The following DPF3 variants were observed in gnomAD, a reference collection of about 807,000 sequenced individuals.
DPF3 encodes double PHD fingers 3.
A neutral mutation model predicts 56.8 loss-of-function variants in DPF3; 18 were observed. The ratio of observed to expected loss-of-function variants is 0.32; its 90% CI spans 0.22 to 0.47. DPF3 has a LOEUF of 0.47. DPF3 is among the 20% of genes least tolerant of loss of function. The pLI is 1.00. For missense variants in DPF3, 403 were observed against 488.8 expected (o/e 0.82, Z 1.65); for synonymous variants, 188 against 180.2 (o/e 1.04, Z -0.35).
At chr14:72,886,091 G>A (rs1015731190) in intron 1 of DPF3, among the ~76,000 whole-genome samples, 3 of 152,166 alleles carry the variant, frequency 2.0e-5, no homozygotes, top group East Asian at 1.9e-4. Flanking sequence ...GGTCTGGGCA[G>A]CTGGGCACGG....
intron 1 of DPF3, among the ~76,000 whole-genome samples, chr14:72,879,024 G>C (rs1886221543): frequency 6.6e-6 from 1 of 152,232 alleles, no homozygotes; most frequent in African/African-American, 2.4e-5. Flanking sequence ...CTGCCTGCAG[G>C]CTTCGCTCAC....
chr14:72,705,077 C>T (rs1427640137), intron 6 of DPF3, among the ~76,000 whole-genome samples: 1 of 152,168 alleles, frequency 6.6e-6, no homozygotes, highest in Non-Finnish European at 1.5e-5. Flanking sequence ...ACCCCCCGGG[C>T]TATAGACTGA....
chr14:72,836,036 CG>C lies in DPF3; in HGVS notation c.32+58020del, dbSNP rs1884280737. 7 of 985,230 alleles carry C rather than the reference CG, an allele frequency of 7.1e-6. No individual in the cohort carries two copies. In the South Asian group the frequency reaches 2.8e-4, roughly 40 times the overall value. 61.0% of individuals were successfully genotyped at this position (985,230 alleles called of 1,614,324 possible). On this transcript the variant is annotated intron_variant, in intron 1 of 10. Coordinates refer to ENST00000556509, the MANE Select transcript of DPF3 (RefSeq NM_001280542.3). ...GCCAGCCGTCACCACACGGGTGCCTCGGGGAGATGCTGGAGACACAAGTGGC... is the reference window on the plus strand; with the variant it reads ...GCCAGCCGTCACCACACGGGTGCCTCGGGAGATGCTGGAGACACAAGTGGC...
At chr14:72,775,560 G>T (rs1891712208) in intron 1 of DPF3, among the ~76,000 whole-genome samples, 1 of 152,206 alleles carries the variant, frequency 6.6e-6, no homozygotes, top group Admixed American at 6.5e-5. Flanking sequence ...AATGTTATTA[G>T]TTACAAGCAT....
intron 8 of DPF3, among the ~76,000 whole-genome samples, chr14:72,638,733 C>T (rs558277215): frequency 2.0e-4 from 30 of 152,060 alleles, no homozygotes; most frequent in Non-Finnish European, 4.1e-4. Context: ...CTATCCTTTT[C>T]TACGTGAGCC....
At chr14:72,692,057 GTTCT>G (rs1463486303) in intron 7 of DPF3, among the ~76,000 whole-genome samples, 2 of 152,180 alleles carry the variant, frequency 1.3e-5, no homozygotes, top group African/African-American at 2.4e-5. Context: ...CCACAGGTGT[GTTCT>G]TTATTTCAAA....
Position 72,892,460 on chromosome 14 carries a change from G to A in DPF3, c.32+1597C>T, listed in dbSNP as rs1053759248. ...CCTCAGCTTCCAACGTCCTCTTAAC[G>A]GCAGCTTTCATATAAATATATTTGA... On this transcript the variant is annotated intron_variant, in intron 1 of 10. Coordinates refer to ENST00000556509, the MANE Select transcript of DPF3 (RefSeq NM_001280542.3). The A allele has an allele frequency of 2.1e-6, 3 of 1,430,678 alleles. No homozygotes were observed. In the East Asian group the frequency reaches 7.7e-5, roughly 37 times the overall value. The allele number at this position is 1,430,678 out of a possible 1,614,324, so 88.6% of individuals were successfully genotyped here.
At chr14:72,822,974 C>T (rs1267735615) in intron 1 of DPF3, among the ~76,000 whole-genome samples, 14 of 152,334 alleles carry the variant, frequency 9.2e-5, no homozygotes, top group Non-Finnish European at 2.9e-5. Context: ...GAAGCCCTCG[C>T]TCCCATCGGA....
At chr14:72,810,238 C>A (rs1052410691) in intron 1 of DPF3, among the ~76,000 whole-genome samples, 20 of 152,172 alleles carry the variant, frequency 1.3e-4, no homozygotes, top group African/African-American at 4.6e-4. Flanking sequence ...AGCAACATAC[C>A]CGCCCCATCC....
intron 2 of DPF3, among the ~76,000 whole-genome samples, chr14:72,756,930 G>GAAAGAAAGAAAGAAAGAAAGAAAGAA (rs1462737023): frequency 6.9e-6 from 1 of 144,750 alleles, no homozygotes; most frequent in African/African-American, 2.6e-5. Flanking sequence ...AAGAAAGAAA[G>GAAAGAAAGAAAGAAAGAAAGAAAGAA]AAGAGAAGAG....
chr14:72,777,467 C>G (rs2139955851), intron 1 of DPF3, among the ~76,000 whole-genome samples: 1 of 152,274 alleles, frequency 6.6e-6, no homozygotes, highest in East Asian at 1.9e-4. Context: ...TTGTGTCGTT[C>G]CTCCTCACAG....
chr14:72,782,836 G>GA (rs34410570), intron 1 of DPF3, among the ~76,000 whole-genome samples: 36,640 of 145,866 alleles, frequency 0.25, 4,652 homozygotes, highest in Middle Eastern at 0.36. Flanking sequence ...CCATCTCAAA[G>GA]AAAAAAAAAA....
chr14:72,684,761 C>A (rs1887333411), intron 7 of DPF3, among the ~76,000 whole-genome samples: 1 of 152,126 alleles, frequency 6.6e-6, no homozygotes, highest in Non-Finnish European at 1.5e-5. Context: ...CTACTATGGA[C>A]TGAAGTGTGT....
intron 8 of DPF3, among the ~76,000 whole-genome samples, chr14:72,642,671 C>T (rs1001681296): frequency 3.9e-5 from 6 of 152,164 alleles, no homozygotes; most frequent in Admixed American, 2.6e-4. Context: ...AAGAGCCTGC[C>T]GTCTTCCCCT....
chr14:72,868,659 A>G (rs1202631065), intron 1 of DPF3, among the ~76,000 whole-genome samples: 1 of 152,190 alleles, frequency 6.6e-6, no homozygotes, highest in Non-Finnish European at 1.5e-5. Context: ...ACCTGGGAGG[A>G]AAACAATCTA....
At chr14:72,778,526 A>G (rs144092163) in intron 1 of DPF3, among the ~76,000 whole-genome samples, 137 of 152,338 alleles carry the variant, frequency 9.0e-4, no homozygotes, top group African/African-American at 3.1e-3. Context: ...TTCATTACAT[A>G]TTACAATGTA....
At chr14:72,884,784 G>C (rs1413813795) in intron 1 of DPF3, among the ~76,000 whole-genome samples, 1 of 150,882 alleles carries the variant, frequency 6.6e-6, no homozygotes, top group African/African-American at 2.4e-5. Context: ...CCCCCACGAG[G>C]AGTCCCTGCC....
chr14:72,836,133 G>A, intron 1 of DPF3: 2 of 985,918 alleles, frequency 2.0e-6, no homozygotes, highest in Non-Finnish European at 1.2e-6. Context: ...AGAAGCCAGT[G>A]AGGAACAGGA....
chr14:72,837,014 C>T (rs897542433), intron 1 of DPF3, among the ~76,000 whole-genome samples: 4 of 152,142 alleles, frequency 2.6e-5, no homozygotes, highest in Middle Eastern at 3.4e-3. Context: ...GAATTACAGG[C>T]GCGCACCACC....
Sources: allele counts gnomAD v4.1 joint callset (sites outside exome capture counted in the v4.1 genomes callset), GRCh38; gene constraint gnomAD v4.1.1; transcripts MANE v1.5; gene names NCBI Gene and HGNC (gene_info 2026-07-23, HGNC 2026-07-21).